The following TMEM117 variants were observed in gnomAD, a reference collection of about 807,000 sequenced individuals.
TMEM117 encodes the protein transmembrane protein 117.
Under a neutral mutation model 52.4 loss-of-function variants are expected in TMEM117, and 27 were observed. The observed-to-expected ratio is 0.51, with a 90% CI of 0.38 to 0.71. The LOEUF (loss-of-function observed/expected upper bound fraction) is 0.71, where lower values mean the gene tolerates loss of function less well. TMEM117 is among the 30% of genes least tolerant of loss of function. The probability of loss-of-function intolerance (pLI) is 0.00; values close to 1 mark genes in which losing one functional copy is unlikely to be tolerated. For synonymous variants in TMEM117, 215 were observed against 206.3 expected, an observed-to-expected ratio of 1.04 and a Z score of -0.36; for missense variants, 556 against 630.5, an observed-to-expected ratio of 0.88 and a Z score of 1.26.
At chr12:44,005,201 C>A (rs2137790021) in intron 3 of TMEM117, among the ~76,000 whole-genome samples, 1 of 152,270 alleles carries the variant, frequency 6.6e-6, no homozygotes, top group African/African-American at 2.4e-5. Flanking sequence ...GAAAAAATAC[C>A]TGAAGACCTC....
rs184140371 is a variant in TMEM117, at chr12:44,329,188, A to G, written c.768+29449A>G. Among the ~76,000 whole-genome samples the G allele has an allele frequency of 1.8e-4, 27 of 152,230 alleles. 1 individual carries two copies. The East Asian group carries it at 5.2e-3, about 29-fold the overall frequency. ...ATATGAAATTACATAGGAAGAATGTAAGGGTTCTGAGTAATCACAGTGCAA... is the reference window on the plus strand; with the variant it reads ...ATATGAAATTACATAGGAAGAATGTGAGGGTTCTGAGTAATCACAGTGCAA... On this transcript the variant is annotated intron_variant, in intron 6 of 7. Coordinates refer to ENST00000266534, the MANE Select transcript of TMEM117 (RefSeq NM_032256.3).
At chr12:43,965,254 G>A (rs1945466142) in intron 3 of TMEM117, among the ~76,000 whole-genome samples, 3 of 152,220 alleles carry the variant, frequency 2.0e-5, no homozygotes, top group Admixed American at 6.5e-5. Flanking sequence ...AGAAAATAAG[G>A]AAAAGAATTA....
At chr12:44,367,586 A>C (rs1255506776) in intron 6 of TMEM117, among the ~76,000 whole-genome samples, 1 of 151,970 alleles carries the variant, frequency 6.6e-6, no homozygotes, top group East Asian at 1.9e-4. Flanking sequence ...CTCCCTTTCT[A>C]AATGATTTTA....
intron 5 of TMEM117, among the ~76,000 whole-genome samples, chr12:44,274,536 T>C (rs778794880): frequency 3.3e-5 from 5 of 152,012 alleles, no homozygotes; most frequent in Non-Finnish European, 7.4e-5. Flanking sequence ...AGTAGTTGCA[T>C]TACCTGTCTT....
downstream of TMEM117, among the ~76,000 whole-genome samples, chr12:44,394,421 A>G (rs895149279): frequency 1.3e-5 from 2 of 152,182 alleles, no homozygotes; most frequent in African/African-American, 4.8e-5. Flanking sequence ...GCCATTAAAC[A>G]TGGTTAGGCC....
intron 6 of TMEM117, among the ~76,000 whole-genome samples, chr12:44,308,150 T>C (rs1190091000): frequency 1.3e-5 from 2 of 152,178 alleles, no homozygotes; most frequent in Non-Finnish European, 2.9e-5. Context: ...TAAAGTAAAA[T>C]GCTTCAGTCC....
At chr12:44,134,676 T>C (rs2062952) in intron 3 of TMEM117, among the ~76,000 whole-genome samples, 41,031 of 152,152 alleles carry the variant, frequency 0.27, 9,995 homozygotes, top group African/African-American at 0.65. Flanking sequence ...TGGCTTTTTT[T>C]GTATAGCCAA....
intron 7 of TMEM117, among the ~76,000 whole-genome samples, chr12:44,377,942 T>C (rs781632494): frequency 2.0e-5 from 3 of 152,228 alleles, no homozygotes; most frequent in Non-Finnish European, 4.4e-5. Context: ...TCTTTTCCTA[T>C]TCAAAATGAA....
At position 44,325,300 on chromosome 12, in the gene TMEM117, A is replaced by G. The variant is rs1951180855; in HGVS notation, c.768+25561A>G. On this transcript the variant is annotated intron_variant, in intron 6 of 7. Coordinates refer to ENST00000266534, the MANE Select transcript of TMEM117 (RefSeq NM_032256.3). ...TCTTTCTACAGTGAAAACTATGAAT[A>G]TCCACACTAAGTGGGGGCAGACATT... 3.9e-5 allele frequency among the ~76,000 whole-genome samples: 6 copies of G among 152,284 alleles called. No individual in the cohort carries two copies. The South Asian group carries it at 1.0e-3, about 26-fold the overall frequency.
chr12:44,315,075 G>C (rs1001862147), intron 6 of TMEM117, among the ~76,000 whole-genome samples: 1 of 152,100 alleles, frequency 6.6e-6, no homozygotes, highest in African/African-American at 2.4e-5. Flanking sequence ...AGAATCTTTT[G>C]TGTTTCTGTG....
chr12:43,925,616 A>G (rs1944766565), intron 2 of TMEM117, among the ~76,000 whole-genome samples: 1 of 152,122 alleles, frequency 6.6e-6, no homozygotes, highest in Non-Finnish European at 1.5e-5. Context: ...CCACATTTAT[A>G]AGCCCCCAGG....
intron 2 of TMEM117, among the ~76,000 whole-genome samples, chr12:43,912,536 T>TATATATATATATATATA: frequency 1.4e-5 from 2 of 141,988 alleles, no homozygotes; most frequent in African/African-American, 5.4e-5. Flanking sequence ...TATATATATA[T>TATATATATATATATATA]GGCAGAATGA....
intron 3 of TMEM117, among the ~76,000 whole-genome samples, chr12:43,974,280 G>A (rs903672556): frequency 1.3e-5 from 2 of 152,110 alleles, no homozygotes; most frequent in African/African-American, 4.8e-5. Context: ...TTCTCTAGTT[G>A]AATCCCAATA....
intron 2 of TMEM117, among the ~76,000 whole-genome samples, chr12:43,936,718 A>G (rs1944957317): frequency 6.6e-6 from 1 of 152,220 alleles, no homozygotes; most frequent in Non-Finnish European, 1.5e-5. Flanking sequence ...CTGTTAGGTC[A>G]GATGCAGCCA....
intron 5 of TMEM117, among the ~76,000 whole-genome samples, chr12:44,243,569 A>G (rs962140765): frequency 2.0e-5 from 3 of 151,992 alleles, no homozygotes; most frequent in African/African-American, 7.2e-5. Flanking sequence ...CGTATATCAT[A>G]GAATCATTAA....
the TMEM117 span, among the ~76,000 whole-genome samples, chr12:43,796,287 T>G: frequency 6.6e-6 from 1 of 152,144 alleles, no homozygotes; most frequent in Admixed American, 6.5e-5. Context: ...CTATAGAAGG[T>G]GCTACCCATG....
intron 2 of TMEM117, among the ~76,000 whole-genome samples, chr12:43,932,856 G>A (rs991729774): frequency 2.4e-4 from 36 of 152,302 alleles, no homozygotes; most frequent in African/African-American, 8.4e-4. Flanking sequence ...AAGACTTAGA[G>A]GACTTGTGGA....
At chr12:44,362,833 CT>C (rs11301034) in intron 6 of TMEM117, among the ~76,000 whole-genome samples, 80,996 of 146,282 alleles carry the variant, frequency 0.55, 22,411 homozygotes, top group East Asian at 0.89. Flanking sequence ...CTTTCCTTTT[CT>C]TTTTTTTTTT....
intron 2 of TMEM117, among the ~76,000 whole-genome samples, chr12:43,875,701 C>A (rs972981191): frequency 1.3e-5 from 2 of 152,130 alleles, no homozygotes; most frequent in Admixed American, 6.6e-5. Context: ...AGAACAAAAA[C>A]CTGTTGGGCT....
Sources: allele counts gnomAD v4.1 joint callset (sites outside exome capture counted in the v4.1 genomes callset), GRCh38; gene constraint gnomAD v4.1.1; transcripts MANE v1.5; gene names NCBI Gene and HGNC (gene_info 2026-07-23, HGNC 2026-07-21).